The following SLC35F1 variants were observed in gnomAD, a reference collection of about 807,000 sequenced individuals.
SLC35F1 encodes chromosome 6 open reading frame 169.
Under a neutral mutation model 48.7 loss-of-function variants are expected in SLC35F1, and 14 were observed. The observed-to-expected ratio is 0.29, with a 90% confidence interval of 0.19 to 0.45. The LOEUF is 0.45. SLC35F1 is among the 20% of genes least tolerant of loss of function. The pLI is 1.00. For synonymous variants in SLC35F1, 190 were observed against 202.2 expected, an observed-to-expected ratio of 0.94 and a Z score of 0.51; for missense variants, 404 against 500.0, an observed-to-expected ratio of 0.81 and a Z score of 1.83.
chr6:117,993,942 C>T (rs919795910), intron 1 of SLC35F1, among the ~76,000 whole-genome samples: 2 of 152,136 alleles, frequency 1.3e-5, no homozygotes, highest in African/African-American at 2.4e-5. Context: ...TGTTATTTCA[C>T]GGTTCTTCAG....
intron 1 of SLC35F1, among the ~76,000 whole-genome samples, chr6:117,910,129 A>G (rs1775743932): frequency 6.6e-6 from 1 of 152,232 alleles, no homozygotes; most frequent in African/African-American, 2.4e-5. Context: ...TAAAATCTCA[A>G]TGGCATAATT....
chr6:118,097,193 C>A (rs879265267), intron 1 of SLC35F1, among the ~76,000 whole-genome samples: 2 of 152,160 alleles, frequency 1.3e-5, no homozygotes, highest in African/African-American at 4.8e-5. Flanking sequence ...ACAAAGTTCC[C>A]CCTCATTGGA....
chr6:117,926,111 A>G (rs9481749), intron 1 of SLC35F1, among the ~76,000 whole-genome samples: 10,916 of 152,078 alleles, frequency 0.072, 1,313 homozygotes, highest in African/African-American at 0.25. Flanking sequence ...CCCCACCCAA[A>G]TCTCACCTTG....
chr6:118,136,653 T>C (rs992642711), intron 1 of SLC35F1, among the ~76,000 whole-genome samples: 4 of 152,202 alleles, frequency 2.6e-5, no homozygotes, highest in African/African-American at 7.2e-5. Context: ...TCTAGGCATA[T>C]ACTTTTAATA....
chr6:117,999,568 G>GAAA (rs35917912), intron 1 of SLC35F1: 19,949 of 427,662 alleles, frequency 0.047, 148 homozygotes, highest in Non-Finnish European at 0.054. Context: ...CCTGAGGCAG[G>GAAA]AAAAAAAAAA....
At chr6:117,993,603 G>T (rs540892869) in intron 1 of SLC35F1, among the ~76,000 whole-genome samples, 37 of 152,082 alleles carry the variant, frequency 2.4e-4, no homozygotes, top group African/African-American at 8.7e-4. Context: ...GAACTTTTCT[G>T]TATTCCCCGA....
intron 3 of SLC35F1, among the ~76,000 whole-genome samples, chr6:118,242,924 C>T (rs1278246153): frequency 1.3e-5 from 2 of 152,218 alleles, no homozygotes; most frequent in Non-Finnish European, 2.9e-5. Flanking sequence ...GTGCATATTT[C>T]ACAGCTCTTC....
At chr6:117,955,612 T>A (rs1217688427) in intron 1 of SLC35F1, among the ~76,000 whole-genome samples, 1 of 152,220 alleles carries the variant, frequency 6.6e-6, no homozygotes, top group Non-Finnish European at 1.5e-5. Flanking sequence ...TCCAAGAACT[T>A]TCTCCATCTC....
intron 7 of SLC35F1, among the ~76,000 whole-genome samples, chr6:118,312,958 A>G (rs1225975600): frequency 6.6e-6 from 1 of 152,152 alleles, no homozygotes; most frequent in Admixed American, 6.5e-5. Flanking sequence ...TGTGGTCAAG[A>G]CTGGGATATT....
intron 1 of SLC35F1, among the ~76,000 whole-genome samples, chr6:118,099,868 C>T (rs1300431724): frequency 1.3e-5 from 2 of 152,012 alleles, no homozygotes; most frequent in African/African-American, 2.4e-5. Flanking sequence ...TGGAAACAAC[C>T]TTTGAGTAAA....
intron 1 of SLC35F1, among the ~76,000 whole-genome samples, chr6:117,983,218 A>G (rs1197643389): frequency 6.6e-6 from 1 of 152,200 alleles, no homozygotes; most frequent in Non-Finnish European, 1.5e-5. Flanking sequence ...GGATGGTGAT[A>G]GATGAGTCTG....
At chr6:118,100,139 G>A (rs918475490) in intron 1 of SLC35F1, among the ~76,000 whole-genome samples, 9 of 152,110 alleles carry the variant, frequency 5.9e-5, no homozygotes, top group Non-Finnish European at 1.2e-4. Context: ...GGTCACATGA[G>A]CTATAAGTGA....
In SLC35F1 at chr6:118,023,817, G is replaced by A. The variant is rs75716424; in HGVS notation, c.173+115918G>A. 5.0e-3 allele frequency among the ~76,000 whole-genome samples: 754 copies of A among 152,218 alleles called. 7 individuals carry two copies. The highest frequency in any genetic ancestry group is 0.016 in the African/African-American group (671 of 41,530). ...TTGTCTTTGAGTCTGTCTGAATGCCGACTTCTTTGTGCTGTAAAAAAGGAA... is the reference window on the plus strand; with the variant it reads ...TTGTCTTTGAGTCTGTCTGAATGCCAACTTCTTTGTGCTGTAAAAAAGGAA... On this transcript the variant is annotated intron_variant, in intron 1 of 7. Transcript: ENST00000360388.
chr6:117,963,031 G>A (rs896171680), intron 1 of SLC35F1, among the ~76,000 whole-genome samples: 1 of 152,094 alleles, frequency 6.6e-6, no homozygotes, highest in African/African-American at 2.4e-5. Flanking sequence ...TAAACCCATT[G>A]GAGGGGAGGG....
chr6:118,061,774 C>T (rs1582644424), intron 1 of SLC35F1, among the ~76,000 whole-genome samples: 2 of 152,200 alleles, frequency 1.3e-5, no homozygotes, highest in East Asian at 1.9e-4. Flanking sequence ...AACTGTTCCA[C>T]CTCAGATCAT....
chr6:118,296,019 G>A (rs1303818291), intron 7 of SLC35F1, among the ~76,000 whole-genome samples: 1 of 152,152 alleles, frequency 6.6e-6, no homozygotes, highest in Non-Finnish European at 1.5e-5. Flanking sequence ...GTGGGGAAGG[G>A]ATGCATTTCC....
intron 1 of SLC35F1, among the ~76,000 whole-genome samples, chr6:118,063,456 G>C (rs1275878717): frequency 6.6e-6 from 1 of 152,092 alleles, no homozygotes; most frequent in Non-Finnish European, 1.5e-5. Context: ...TGCAATATTA[G>C]GCAATGAAAA....
chr6:118,114,817 G>A (rs1773455619), intron 1 of SLC35F1, among the ~76,000 whole-genome samples: 1 of 152,160 alleles, frequency 6.6e-6, no homozygotes, highest in Non-Finnish European at 1.5e-5. Flanking sequence ...TAGTATTTAC[G>A]ATGTGCTACT....
In SLC35F1 at chr6:118,124,761, T is replaced by C. The variant is rs1773600338; in HGVS notation, c.174-29684T>C. Among the ~76,000 whole-genome samples, 6 of 152,198 alleles carry C rather than the reference T, an allele frequency of 3.9e-5. No homozygotes were observed. The South Asian group carries it at 1.2e-3, about 32-fold the overall frequency. On this transcript the variant is annotated intron_variant, in intron 1 of 7. Transcript: ENST00000360388. ...GGACTCAAGTGCATATACTCAAATT[T>C]CATCTCAGGAACACTTCAGGAAATT...
Sources: gnomAD v4.1 joint callset for allele counts (sites outside exome capture counted in the v4.1 genomes callset) on GRCh38, gnomAD v4.1.1 for gene constraint, MANE v1.5 for transcripts, NCBI Gene and HGNC (gene_info 2026-07-23, HGNC 2026-07-21) for gene names.